Variants in DIP2B observed in about 807,000 individuals in gnomAD.
DIP2B encodes the protein DIP2 acetate--CoA ligase B (putative), also known as disco-interacting protein 2 homolog B.
DIP2B carries 76 observed loss-of-function variants against 198.0 expected under a neutral mutation model. The ratio of observed to expected loss-of-function variants is 0.38; its 90% CI spans 0.32 to 0.46. DIP2B has a LOEUF of 0.46. Among genes scored for constraint, DIP2B ranks in the 20% least tolerant of loss-of-function variants. DIP2B has a pLI of 0.99. For synonymous variants in DIP2B, 701 were observed against 739.1 expected, an observed-to-expected ratio of 0.95 and a Z score of 0.84; for missense variants, 1,559 against 1,978.4, an observed-to-expected ratio of 0.79 and a Z score of 4.02.
At position 50,721,486 on chromosome 12, in the gene DIP2B, A is replaced by C. The variant is rs1242239905; in HGVS notation, c.3166+90A>C. 4 of 1,555,870 alleles carry C rather than the reference A, an allele frequency of 2.6e-6. No individual in the cohort carries two copies. The African/African-American group carries it at 4.1e-5, about 16-fold the overall frequency. On this transcript the variant is annotated intron_variant, in intron 26 of 37. Transcript: ENST00000301180. ...GGATAGGCACTCAGAGCTACTCTCT[A>C]TGACTTGCAAGCAGTGTACTTCCCA...
chr12:50,516,216 T>TCTCTCC (rs984105041), intron 1 of DIP2B, among the ~76,000 whole-genome samples: 4 of 73,672 alleles, frequency 5.4e-5, no homozygotes, highest in African/African-American at 1.7e-4. Flanking sequence ...AGGCACCATC[T>TCTCTCC]CTCTCTCTCT....
At chr12:50,724,731 G>A in intron 27 of DIP2B, 44 bp from the exon 28 acceptor site, 1 of 1,577,898 alleles carries the variant, frequency 6.3e-7, no homozygotes, top group Non-Finnish European at 8.7e-7. Flanking sequence ...TGCCATGTTG[G>A]GGCTGAGCCT....
At chr12:50,743,896 A>G (rs570740801) in intron 37 of DIP2B, among the ~76,000 whole-genome samples, 1 of 152,322 alleles carries the variant, frequency 6.6e-6, no homozygotes, top group African/African-American at 2.4e-5. Context: ...CCATATGGGC[A>G]TTCCCTTCTT....
At chr12:50,622,223 G>C (rs1258089681) in intron 1 of DIP2B, among the ~76,000 whole-genome samples, 1 of 152,118 alleles carries the variant, frequency 6.6e-6, no homozygotes, top group African/African-American at 2.4e-5. Flanking sequence ...CGGTTTACTT[G>C]GTAGGCTTCT....
chr12:50,684,645 A>T (rs1939102990), intron 10 of DIP2B, among the ~76,000 whole-genome samples: 2 of 152,044 alleles, frequency 1.3e-5, no homozygotes, highest in Middle Eastern at 3.4e-3. Context: ...TACAGAAATT[A>T]GCCAGGTGTG....
At chr12:50,672,583 C>G (rs1040767486) in intron 5 of DIP2B, among the ~76,000 whole-genome samples, 1 of 152,212 alleles carries the variant, frequency 6.6e-6, no homozygotes. Context: ...ATTGCTTCTA[C>G]TACTCTGTGA....
At chr12:50,627,571 C>T (rs1937960714) in intron 2 of DIP2B, among the ~76,000 whole-genome samples, 1 of 152,198 alleles carries the variant, frequency 6.6e-6, no homozygotes, top group Non-Finnish European at 1.5e-5. Flanking sequence ...TCAAGTAGTA[C>T]TGCCATCTCA....
chr12:50,666,385 A>C (rs1938752875), intron 4 of DIP2B, among the ~76,000 whole-genome samples: 1 of 152,202 alleles, frequency 6.6e-6, no homozygotes, highest in South Asian at 2.1e-4. Flanking sequence ...ACTTGCCCAG[A>C]CTTCTGTTTT....
chr12:50,609,799 A>G (rs761619480), intron 1 of DIP2B, among the ~76,000 whole-genome samples: 1 of 152,200 alleles, frequency 6.6e-6, no homozygotes, highest in Non-Finnish European at 1.5e-5. Context: ...ATCCCTTGGC[A>G]CACAAACTGC....
Position 50,628,990 on chromosome 12 carries a change from C to T in DIP2B, c.172+2943C>T, listed in dbSNP as rs145907989. Among the ~76,000 whole-genome samples, 412 of 152,172 alleles carry T rather than the reference C, an allele frequency of 2.7e-3. 2 individuals carry two copies. Among genetic ancestry groups the T allele is most frequent in the African/African-American group, 9.0e-3 (375 of 41,518 alleles). On this transcript the variant is annotated intron_variant, in intron 2 of 37. Transcript: ENST00000301180. ...GCCTCCCAGGCGCAAGTGATCCTCC[C>T]GCCTCACCCTCCCAAGTAGCTGGGA... is the stretch of plus-strand genomic sequence containing the variant.
At chr12:50,630,536 A>G (rs1938025619) in intron 2 of DIP2B, among the ~76,000 whole-genome samples, 1 of 151,974 alleles carries the variant, frequency 6.6e-6, no homozygotes, top group African/African-American at 2.4e-5. Flanking sequence ...GTTTGTCCCT[A>G]TGGTGTTTTT....
chr12:50,674,667 A>G (rs1325936730), intron 6 of DIP2B, 38 bp downstream of exon 6: 1 of 1,607,974 alleles, frequency 6.2e-7, no homozygotes, highest in Admixed American at 1.7e-5. Context: ...TGTAGTGTAA[A>G]CTAAACTAGA....
intron 1 of DIP2B, among the ~76,000 whole-genome samples, chr12:50,547,482 A>G (rs1241749639): frequency 1.3e-5 from 2 of 152,246 alleles, no homozygotes; most frequent in Non-Finnish European, 2.9e-5. Context: ...TATTATTTGT[A>G]AGAACAAAAG....
intron 1 of DIP2B, among the ~76,000 whole-genome samples, chr12:50,515,239 C>CTTT (rs59468439): frequency 7.1e-6 from 1 of 140,752 alleles, no homozygotes; most frequent in Middle Eastern, 3.4e-3. Context: ...CACTGTGGAC[C>CTTT]TTTTTTTTTT....
intron 1 of DIP2B, among the ~76,000 whole-genome samples, chr12:50,585,968 G>A (rs1218645206): frequency 1.3e-5 from 2 of 152,318 alleles, no homozygotes; most frequent in East Asian, 3.9e-4. Context: ...ACCTAGCATA[G>A]TGCCACTTTC....
chr12:50,525,125 A>G (rs1296201807), intron 1 of DIP2B, among the ~76,000 whole-genome samples: 1 of 152,126 alleles, frequency 6.6e-6, no homozygotes, highest in East Asian at 1.9e-4. Context: ...TGGGAGGCCG[A>G]GGCGGGCAGA....
rs201186342 is a variant in DIP2B at position 50,636,853 on chromosome 12, A to G, written c.173-3871A>G. 5.9e-5 allele frequency among the ~76,000 whole-genome samples: 9 copies of G among 152,252 alleles called. No homozygotes were observed. In the East Asian group the frequency reaches 1.7e-3, roughly 29 times the overall value. On this transcript the variant is annotated intron_variant, in intron 2 of 37. Coordinates refer to ENST00000301180, the MANE Select transcript of DIP2B (RefSeq NM_173602.3). ...TGGGTCAGGATCTGTTCAGACACCTACCACTTTACAGACCTGGAGCTCCCA... is the reference window on the plus strand; with the variant it reads ...TGGGTCAGGATCTGTTCAGACACCTGCCACTTTACAGACCTGGAGCTCCCA...
In DIP2B at chr12:50,723,188, C is replaced by A. The variant is rs1223445243; in HGVS notation, c.3167-14C>A. On this transcript the variant is annotated splice_polypyrimidine_tract_variant and intron_variant, in intron 26 of 37. Transcript: ENST00000301180. ...AGTTCAGTGACTCTCCTGACAGGGT[C>A]CTTTGTCTTGCAGGCATTGAGTTAA... 1 of 1,613,816 alleles carries A rather than the reference C, an allele frequency of 6.2e-7. No individual in the cohort carries two copies. The highest frequency in any genetic ancestry group is 8.5e-7 in the Non-Finnish European group (1 of 1,179,996).
At chr12:50,687,763 A>G (rs986633111) in intron 12 of DIP2B, among the ~76,000 whole-genome samples, 1 of 152,168 alleles carries the variant, frequency 6.6e-6, no homozygotes, top group Non-Finnish European at 1.5e-5. Flanking sequence ...GGAGATCATT[A>G]GGACAAATAC....
Sources: allele counts gnomAD v4.1 joint callset (sites outside exome capture counted in the v4.1 genomes callset), GRCh38; gene constraint gnomAD v4.1.1; transcripts MANE v1.5; gene names NCBI Gene and HGNC (gene_info 2026-07-23, HGNC 2026-07-21).